HDAC8: variants seen among roughly 807,000 people sequenced by gnomAD.
HDAC8 encodes the protein histone deacetylase 8.
In HDAC8, 1 loss-of-function variant was observed where a neutral mutation model predicts 32.2. The ratio of observed to expected loss-of-function variants is 0.03; its 90% CI spans 0.01 to 0.15. The LOEUF is 0.15. HDAC8 is among the 10% of genes least tolerant of loss of function. The pLI is 1.00. For synonymous variants in HDAC8, 108 were observed against 113.9 expected (o/e 0.95, Z 0.33); for missense variants, 117 against 300.0 (o/e 0.39, Z 4.51).
At chrX:72,458,277 T>A (rs1555990392) in intron 9 of HDAC8, among the ~76,000 whole-genome samples, 2 of 112,790 alleles carry the variant, frequency 1.8e-5, no homozygotes, top group Non-Finnish European at 3.7e-5. Context: ...TGAAACTAAC[T>A]TCCTCATCAC....
chrX:72,360,545 T>C (rs782674115), intron 9 of HDAC8, among the ~76,000 whole-genome samples: 3 of 111,878 alleles, frequency 2.7e-5, no homozygotes, highest in South Asian at 3.8e-4. Context: ...CTGTTTTTAG[T>C]TGGGGAAGTC....
rs782697533 is a variant in HDAC8 at position 72,461,994 on chromosome X, CCTTA to C, written c.1005+6_1005+9del. 1.7e-6 allele frequency: 2 copies of C among 1,173,622 alleles called. No individual in the cohort carries two copies. Among genetic ancestry groups the C allele is most frequent in the East Asian group, 5.9e-5 (2 of 33,673 alleles). The stretch of plus-strand genomic sequence containing the variant: ...TTAAAGAAGAGAGGACTTGTCAGAG[CCTTA>C]CTTACCTCATGATCTGGGATCTCAG... On this transcript the variant is annotated splice_donor_region_variant and intron_variant, in intron 9 of 10. Transcript: ENST00000373573.
intron 4 of HDAC8, among the ~76,000 whole-genome samples, chrX:72,524,660 C>T (rs1556030750): frequency 9.0e-6 from 1 of 111,258 alleles, no homozygotes; most frequent in East Asian, 2.8e-4. Context: ...CTACTACACC[C>T]GCTTCTCACT....
At chrX:72,395,105 GA>G (rs781851119) in intron 9 of HDAC8, among the ~76,000 whole-genome samples, 9 of 112,113 alleles carry the variant, frequency 8.0e-5, no homozygotes, top group East Asian at 2.8e-4. Flanking sequence ...TTCAAGGGGG[GA>G]AAAAAGTGCT....
intron 9 of HDAC8, among the ~76,000 whole-genome samples, chrX:72,453,491 A>AGAAAGAAAGAAAGAAAGAAAGAAG (rs2047636843): frequency 9.3e-6 from 1 of 107,348 alleles, no homozygotes; most frequent in African/African-American, 3.4e-5. Flanking sequence ...AAAGAAAGAA[A>AGAAAGAAAGAAAGAAAGAAAGAAG]GAAAGAAAGA....
Position 72,569,111 on chromosome X carries a change from C to T in HDAC8, c.165-227G>A, listed in dbSNP as rs5958803. 4.6e-3 allele frequency among the ~76,000 whole-genome samples: 514 copies of T among 112,176 alleles called. 1 individual carries two copies. The highest frequency in any genetic ancestry group is 0.016 in the African/African-American group (499 of 30,901). ...TAAGGGGCAAGAAGATAGATTTTCC[C>T]TTGAGTTTATAGGTAAGTAAACAAA... On this transcript the variant is annotated intron_variant, in intron 2 of 10. Transcript: ENST00000373573.
intron 9 of HDAC8, among the ~76,000 whole-genome samples, chrX:72,393,925 A>G (rs782812844): frequency 9.0e-5 from 10 of 111,364 alleles, no homozygotes; most frequent in Non-Finnish European, 1.5e-4. Flanking sequence ...AACCAGAGGT[A>G]GAAGTCCTTT....
intron 7 of HDAC8, among the ~76,000 whole-genome samples, chrX:72,487,715 T>C: frequency 1.0e-5 from 1 of 99,539 alleles, no homozygotes; most frequent in Non-Finnish European, 2.0e-5. Flanking sequence ...GAGAACAACC[T>C]AGTTTTCTGT....
At chrX:72,379,853 G>A (rs781852648) in intron 9 of HDAC8, among the ~76,000 whole-genome samples, 5 of 110,628 alleles carry the variant, frequency 4.5e-5, no homozygotes, top group Admixed American at 9.7e-5. Flanking sequence ...TCTTTGTCAC[G>A]TGGGGTCACA....
intron 9 of HDAC8, among the ~76,000 whole-genome samples, chrX:72,437,937 TG>T (rs2047000976): frequency 8.9e-6 from 1 of 112,336 alleles, no homozygotes; most frequent in Non-Finnish European, 1.9e-5. Flanking sequence ...TAAACGTTCC[TG>T]CCTGCTGGCT....
At position 72,572,544 on chromosome X, in the gene HDAC8, G is replaced by T. The variant is rs782020356; in HGVS notation, c.111+107C>A. ...TCTGATACAGCTACTCGAAATTTCT[G>T]AAGATTTCCCCCAGCCCAGTGTCCT... On this transcript the variant is annotated intron_variant, in intron 1 of 10. Coordinates refer to ENST00000373573, the MANE Select transcript of HDAC8 (RefSeq NM_018486.3). The T allele has an allele frequency of 1.9e-3, 1,082 of 559,226 alleles. 3 individuals are homozygous for T. The highest frequency in any genetic ancestry group is 2.7e-3 in the Non-Finnish European group (943 of 348,271). The allele number at this position is 559,226 out of a possible 1,213,427, so 46.1% of individuals were successfully genotyped here.
At chrX:72,531,595 C>T (rs782181073) in intron 4 of HDAC8, among the ~76,000 whole-genome samples, 2 of 111,903 alleles carry the variant, frequency 1.8e-5, no homozygotes, top group South Asian at 7.5e-4. Flanking sequence ...AGAAACCCTG[C>T]ATGCATTAAC....
At chrX:72,424,882 G>A (rs2046592194) in intron 9 of HDAC8, among the ~76,000 whole-genome samples, 1 of 112,101 alleles carries the variant, frequency 8.9e-6, no homozygotes, top group Admixed American at 9.4e-5. Context: ...GTTGTTGCAT[G>A]TATCAGAATA....
chrX:72,429,610 G>A (rs1231371473), intron 9 of HDAC8, among the ~76,000 whole-genome samples: 4 of 112,050 alleles, frequency 3.6e-5, no homozygotes, highest in Non-Finnish European at 7.5e-5. Flanking sequence ...GGGAGGTGCT[G>A]GCTGCAAAGG....
intron 9 of HDAC8, among the ~76,000 whole-genome samples, chrX:72,447,797 G>C (rs370572147): frequency 9.0e-6 from 1 of 111,031 alleles, no homozygotes; most frequent in African/African-American, 3.3e-5. Flanking sequence ...ATCAACAACA[G>C]ACAGAGAGCC....
At chrX:72,537,369 T>C (rs2050565541) in intron 4 of HDAC8, among the ~76,000 whole-genome samples, 1 of 112,356 alleles carries the variant, frequency 8.9e-6, no homozygotes. Flanking sequence ...TATTTTGTAC[T>C]ATTACACCCA....
At chrX:72,465,177 G>C (rs1357328614) in intron 7 of HDAC8, among the ~76,000 whole-genome samples, 1 of 111,153 alleles carries the variant, frequency 9.0e-6, no homozygotes, top group Admixed American at 9.6e-5. Context: ...AGTGGGGGCT[G>C]GGGAGAAGAA....
At chrX:72,373,379 T>C (rs1360224037) in intron 9 of HDAC8, among the ~76,000 whole-genome samples, 2 of 112,621 alleles carry the variant, frequency 1.8e-5, no homozygotes, top group African/African-American at 6.4e-5. Flanking sequence ...CATTCACTTC[T>C]TGTTCCCCTA....
At chrX:72,407,746 C>T (rs2046085776) in intron 9 of HDAC8, among the ~76,000 whole-genome samples, 1 of 111,955 alleles carries the variant, frequency 8.9e-6, no homozygotes, top group Admixed American at 9.5e-5. Context: ...TTTCTGACCT[C>T]CAGAGCTGTA....
Sources: allele counts gnomAD v4.1 joint callset (sites outside exome capture counted in the v4.1 genomes callset), GRCh38; gene constraint gnomAD v4.1.1; transcripts MANE v1.5; gene names NCBI Gene and HGNC (gene_info 2026-07-23, HGNC 2026-07-21).